Variants in PARG observed in about 807,000 individuals in gnomAD.
The protein encoded by PARG is poly(ADP-ribose) glycohydrolase, also known as mitochondrial poly(ADP-ribose) glycohydrolase.
PARG carries 35 observed loss-of-function variants against 113.0 expected under a neutral mutation model. The ratio of observed to expected loss-of-function variants is 0.31; its 90% CI spans 0.24 to 0.41. PARG has a LOEUF of 0.41. PARG is among the 10% of genes least tolerant of loss of function. The pLI is 1.00. For synonymous variants in PARG, 330 were observed against 409.9 expected (o/e 0.81, Z 2.36); for missense variants, 797 against 1,169.4 (o/e 0.68, Z 4.64).
chr10:49,821,936 T>C (rs1435535076), intron 16 of PARG, among the ~76,000 whole-genome samples: 2 of 152,112 alleles, frequency 1.3e-5, no homozygotes, highest in African/African-American at 4.8e-5. Context: ...CATAAGACCA[T>C]AATATATGGT....
chr10:49,889,402 T>C (rs1193215068), intron 7 of PARG, among the ~76,000 whole-genome samples: 3 of 152,210 alleles, frequency 2.0e-5, no homozygotes, highest in African/African-American at 4.8e-5. Context: ...AAAATTCATG[T>C]TCCCCAGTCA....
intron 1 of PARG, 114 bp downstream of exon 1, chr10:49,941,395 G>GCA (rs1292201324): frequency 3.4e-6 from 3 of 885,992 alleles, no homozygotes; most frequent in Non-Finnish European, 5.5e-6. Flanking sequence ...TGGACCTCAA[G>GCA]AGTGACGATG....
intron 7 of PARG, among the ~76,000 whole-genome samples, chr10:49,907,544 AACGTTCT>A (rs1450901218): frequency 6.6e-6 from 1 of 152,156 alleles, no homozygotes; most frequent in Non-Finnish European, 1.5e-5. Context: ...AAACAGATCT[AACGTTCT>A]GTTTTTATTT....
At chr10:49,841,893 A>C in intron 15 of PARG, 57 bp downstream of exon 15, 1 of 1,068,904 alleles carries the variant, frequency 9.4e-7, no homozygotes, top group Non-Finnish European at 1.4e-6. Flanking sequence ...CAGCATTAAT[A>C]AAATGGCAGT....
At chr10:49,900,659 TC>T (rs1848311026) in intron 7 of PARG, among the ~76,000 whole-genome samples, 1 of 152,258 alleles carries the variant, frequency 6.6e-6, no homozygotes, top group Admixed American at 6.5e-5. Context: ...ACCCTCATTA[TC>T]CTATGCCTCC....
At chr10:49,834,967 G>T (rs189707574) in intron 15 of PARG, among the ~76,000 whole-genome samples, 3 of 152,280 alleles carry the variant, frequency 2.0e-5, no homozygotes. Flanking sequence ...CATTTGTAAG[G>T]TCAGAAATAA....
Position 49,935,070 on chromosome 10 carries a change from C to T in PARG, c.284+6G>A. 1.4e-6 allele frequency: 1 copy of T among 731,682 alleles called. No individual in the cohort carries two copies. Among genetic ancestry groups the T allele is most frequent in the Non-Finnish European group, 2.5e-6 (1 of 402,664 alleles). The allele number at this position is 731,682 out of a possible 1,614,324, so 45.3% of individuals were successfully genotyped here. A position where few individuals can be genotyped will look rare whatever the true frequency, so the allele number is the denominator to read the frequency against. ...TTCATTTCTCTACATAGGAATGTTT[C>T]TATACCTTTCTGATTCCGCTGTCTT... On this transcript the variant is annotated splice_donor_region_variant and intron_variant, in intron 2 of 17. Coordinates refer to ENST00000616448, the MANE Select transcript of PARG (RefSeq NM_003631.5).
intron 5 of PARG, 37 bp downstream of exon 5, chr10:49,922,510 T>A: frequency 6.2e-7 from 1 of 1,610,262 alleles, no homozygotes; most frequent in Non-Finnish European, 8.5e-7. Context: ...ACCAAACCAT[T>A]TTTCAGAGAC....
chr10:49,932,228 C>T lies in PARG; in HGVS notation c.1327G>A (p.Val443Ile), dbSNP rs1838527366. 23 of 1,598,510 alleles carry T rather than the reference C, an allele frequency of 1.4e-5. No homozygotes were observed. Among genetic ancestry groups the T allele is most frequent in the East Asian group, 4.5e-5 (2 of 44,828 alleles). Reference sequence around the variant, plus strand: ...TTATCTGGAGAAAGGTGAGGTGGAACGTATTTAGGGATCTTCCTTTCTGTT... The same window carrying T: ...TTATCTGGAGAAAGGTGAGGTGGAATGTATTTAGGGATCTTCCTTTCTGTT... The part of the protein sequence containing the change: ...QRTERKIPKY[V>I]PPHLSPDKKW... The change falls in exon 4 of 18, where the codon GTT becomes ATT. Residue 443 changes from valine (V) to isoleucine (I), a missense_variant. By Grantham distance (29) the Val-to-Ile change is conservative (BLOSUM62 3). Transcript: ENST00000616448.
intron 7 of PARG, among the ~76,000 whole-genome samples, chr10:49,889,642 A>T (rs1360967151): frequency 6.6e-6 from 1 of 152,206 alleles, no homozygotes; most frequent in Admixed American, 6.5e-5. Flanking sequence ...GGACAGAGAG[A>T]AGTGCCTATT....
At chr10:49,920,463 A>AAATATATAT (rs1431747248) in intron 6 of PARG, among the ~76,000 whole-genome samples, 1 of 47,984 alleles carries the variant, frequency 2.1e-5, no homozygotes, top group Non-Finnish European at 5.7e-5. Context: ...AAAAAAAAAA[A>AAATATATAT]ATATATATAT....
intron 16 of PARG, among the ~76,000 whole-genome samples, chr10:49,826,584 C>T (rs577806816): frequency 1.3e-5 from 2 of 152,216 alleles, no homozygotes; most frequent in South Asian, 4.1e-4. Context: ...TATAAATGGA[C>T]ATAAGGTCTG....
chr10:49,910,642 G>C (rs1837123663), intron 7 of PARG, among the ~76,000 whole-genome samples: 1 of 151,960 alleles, frequency 6.6e-6, no homozygotes, highest in African/African-American at 2.4e-5. Flanking sequence ...ACTCAACATG[G>C]AAAGGAAGAT....
intron 6 of PARG, among the ~76,000 whole-genome samples, chr10:49,920,629 T>TATATACATATATAC (rs1837814925): frequency 7.0e-6 from 1 of 143,560 alleles, no homozygotes; most frequent in African/African-American, 2.7e-5. Flanking sequence ...TATATATACA[T>TATATACATATATAC]GTATATATAT....
At chr10:49,896,044 G>GT (rs1210223938) in intron 7 of PARG, among the ~76,000 whole-genome samples, 1 of 152,166 alleles carries the variant, frequency 6.6e-6, no homozygotes, top group African/African-American at 2.4e-5. Context: ...AACAGAAACA[G>GT]TTTTACTTCT....
At chr10:49,905,282 T>C (rs1385818343) in intron 7 of PARG, among the ~76,000 whole-genome samples, 2 of 152,266 alleles carry the variant, frequency 1.3e-5, no homozygotes. Flanking sequence ...TGAAAAGGTT[T>C]GGAATCCTAG....
intron 16 of PARG, among the ~76,000 whole-genome samples, chr10:49,820,928 T>G (rs569127192): frequency 8.5e-5 from 13 of 152,298 alleles, no homozygotes; most frequent in Middle Eastern, 3.4e-3. Context: ...TAAAATTTTT[T>G]GTGTTTGCTT....
chr10:49,827,710 T>C (rs1844425744), intron 16 of PARG, among the ~76,000 whole-genome samples: 1 of 152,084 alleles, frequency 6.6e-6, no homozygotes, highest in Admixed American at 6.6e-5. Context: ...ACTCAATTCC[T>C]TCACAAAATA....
At chr10:49,911,585 C>T (rs1210399892) in intron 7 of PARG, among the ~76,000 whole-genome samples, 2 of 152,236 alleles carry the variant, frequency 1.3e-5, no homozygotes, top group African/African-American at 4.8e-5. Flanking sequence ...GACTCAGTAG[C>T]ACCTAAATAT....
Sources: gnomAD v4.1 joint callset for allele counts (sites outside exome capture counted in the v4.1 genomes callset) on GRCh38, gnomAD v4.1.1 for gene constraint, MANE v1.5 for transcripts, NCBI Gene and HGNC (gene_info 2026-07-23, HGNC 2026-07-21) for gene names.